The following ANKS1B variants were observed in gnomAD, a reference collection of about 807,000 sequenced individuals.
ANKS1B encodes the protein ankyrin repeat and sterile alpha motif domain-containing protein 1B.
A neutral mutation model predicts 148.3 loss-of-function variants in ANKS1B; 36 were observed. The observed-to-expected ratio is 0.24, with a 90% confidence interval of 0.19 to 0.32. The LOEUF (loss-of-function observed/expected upper bound fraction) is 0.32. ANKS1B is among the 10% of genes least tolerant of loss of function. ANKS1B has a pLI of 1.00. For synonymous variants in ANKS1B, 542 were observed against 560.8 expected (o/e 0.97, Z 0.47); for missense variants, 1,157 against 1,542.6 (o/e 0.75, Z 4.19).
rs554027930 is a variant in ANKS1B at position 99,262,918 on chromosome 12, C to A, written c.1757-16054G>T. ...GTCATTACTTTTATGTTACCGAAAT[C>A]ATCTTCGGACCTGTTTTCTCTGTTT... On this transcript the variant is annotated intron_variant, in intron 12 of 26. Transcript: ENST00000683438. 7.2e-5 allele frequency among the ~76,000 whole-genome samples: 11 copies of A among 151,892 alleles called. No homozygotes were observed. The East Asian group carries it at 2.1e-3, about 29-fold the overall frequency.
At position 99,415,248 on chromosome 12, in the gene ANKS1B, A is replaced by T. The variant is rs1260705350; in HGVS notation, c.1576-15437T>A. ...AAATACTTATATATTAATATTTTAT[A>T]GATGTTCATGTCAACTTCAAATGCA... On this transcript the variant is annotated intron_variant, in intron 11 of 26. Coordinates refer to ENST00000683438, the MANE Select transcript of ANKS1B (RefSeq NM_001352186.2). 2.6e-5 allele frequency among the ~76,000 whole-genome samples: 4 copies of T among 152,204 alleles called. No individual in the cohort carries two copies. The East Asian group carries it at 7.7e-4, about 29-fold the overall frequency.
intron 12 of ANKS1B, among the ~76,000 whole-genome samples, chr12:99,355,623 T>C (rs1319348725): frequency 2.0e-5 from 3 of 152,178 alleles, no homozygotes; most frequent in African/African-American, 4.8e-5. Context: ...TTTACATTTG[T>C]CGTTTTGTCT....
intron 11 of ANKS1B, among the ~76,000 whole-genome samples, chr12:99,407,467 C>G (rs529233127): frequency 6.9e-6 from 1 of 145,498 alleles, no homozygotes; most frequent in African/African-American, 2.6e-5. Flanking sequence ...TTGACAAGGA[C>G]GCCCACTTTC....
At chr12:98,871,883 T>C (rs1359628376) in intron 17 of ANKS1B, among the ~76,000 whole-genome samples, 1 of 152,180 alleles carries the variant, frequency 6.6e-6, no homozygotes, top group African/African-American at 2.4e-5. Context: ...AAAAAGCTTG[T>C]ACACTGTCAC....
At chr12:99,026,332 T>C (rs762919734) in intron 17 of ANKS1B, among the ~76,000 whole-genome samples, 4 of 152,210 alleles carry the variant, frequency 2.6e-5, no homozygotes, top group East Asian at 3.9e-4. Context: ...CCTATACCTA[T>C]GGGCATATTA....
intron 16 of ANKS1B, among the ~76,000 whole-genome samples, chr12:99,082,363 G>C (rs1168977003): frequency 1.3e-5 from 2 of 152,166 alleles, no homozygotes; most frequent in Non-Finnish European, 2.9e-5. Context: ...CATTCGAATA[G>C]AGATTTGACA....
chr12:99,127,292 G>A (rs920639484), intron 15 of ANKS1B, among the ~76,000 whole-genome samples: 6 of 152,078 alleles, frequency 3.9e-5, no homozygotes, highest in Non-Finnish European at 8.8e-5. Context: ...GTAGTCCTCC[G>A]TTTAACAACA....
chr12:99,513,222 G>C (rs1332960964), intron 9 of ANKS1B, among the ~76,000 whole-genome samples: 2 of 151,854 alleles, frequency 1.3e-5, no homozygotes, highest in Non-Finnish European at 2.9e-5. Context: ...TTTTTAATTA[G>C]GTATGTACTC....
intron 4 of ANKS1B, among the ~76,000 whole-genome samples, chr12:99,782,335 G>T (rs1312759343): frequency 1.3e-5 from 2 of 152,152 alleles, no homozygotes; most frequent in African/African-American, 4.8e-5. Context: ...TGAGGCGGAT[G>T]GATCACCTGA....
chr12:99,010,922 T>G (rs1202622075), intron 17 of ANKS1B, among the ~76,000 whole-genome samples: 1 of 147,984 alleles, frequency 6.8e-6, no homozygotes, highest in Non-Finnish European at 1.5e-5. Context: ...TTTTTTTTTT[T>G]AATAGAAACA....
intron 9 of ANKS1B, among the ~76,000 whole-genome samples, chr12:99,592,737 T>C (rs2097715615): frequency 6.6e-6 from 1 of 152,106 alleles, no homozygotes; most frequent in African/African-American, 2.4e-5. Context: ...GAGTGAGCAA[T>C]GGCCCATGAC....
rs752909343 is a variant in ANKS1B at position 98,773,032 on chromosome 12, G to A, written c.3579+10C>T. 1.4e-5 allele frequency: 23 copies of A among 1,613,628 alleles called. No individual in the cohort carries two copies. The highest frequency in any genetic ancestry group is 1.8e-5 in the Non-Finnish European group (21 of 1,179,810). On this transcript the variant is annotated intron_variant, in intron 25 of 26. Coordinates refer to ENST00000683438, the MANE Select transcript of ANKS1B (RefSeq NM_001352186.2). The stretch of plus-strand genomic sequence containing the variant: ...AGTCTTTAATCTGTTGAAAGGGGGT[G>A]GGTACTCACCACATCAAAGGCAGTA...
At chr12:99,434,411 C>A (rs1290047318) in intron 11 of ANKS1B, among the ~76,000 whole-genome samples, 1 of 152,004 alleles carries the variant, frequency 6.6e-6, no homozygotes, top group Non-Finnish European at 1.5e-5. Flanking sequence ...ACATATATAT[C>A]TACAAAGGAT....
intron 17 of ANKS1B, among the ~76,000 whole-genome samples, chr12:99,028,142 AAATT>A (rs1304033077): frequency 1.3e-5 from 2 of 152,216 alleles, no homozygotes; most frequent in Admixed American, 6.5e-5. Flanking sequence ...ATTTTTTAAA[AAATT>A]AATACATGGA....
intron 8 of ANKS1B, among the ~76,000 whole-genome samples, chr12:99,715,805 T>G (rs2057244931): frequency 6.6e-6 from 1 of 152,170 alleles, no homozygotes; most frequent in South Asian, 2.1e-4. Context: ...AACCACTTTC[T>G]CTTTTCAATC....
At chr12:99,521,854 T>C (rs538253117) in intron 9 of ANKS1B, among the ~76,000 whole-genome samples, 2 of 152,140 alleles carry the variant, frequency 1.3e-5, no homozygotes, top group South Asian at 4.1e-4. Context: ...CACTGGGTCT[T>C]GCCCCACACA....
At chr12:99,230,490 A>C (rs1361725676) in intron 14 of ANKS1B, among the ~76,000 whole-genome samples, 1 of 152,130 alleles carries the variant, frequency 6.6e-6, no homozygotes, top group Non-Finnish European at 1.5e-5. Context: ...TAAACCATTG[A>C]TACGTCATAA....
intron 15 of ANKS1B, among the ~76,000 whole-genome samples, chr12:99,116,667 T>C (rs952867576): frequency 6.6e-6 from 1 of 152,138 alleles, no homozygotes; most frequent in African/African-American, 2.4e-5. Flanking sequence ...CTTATGAGTG[T>C]CTTGGCTATA....
intron 17 of ANKS1B, among the ~76,000 whole-genome samples, chr12:99,037,620 G>C (rs2099956362): frequency 6.6e-6 from 1 of 152,128 alleles, no homozygotes; most frequent in African/African-American, 2.4e-5. Flanking sequence ...TGAAAAATAA[G>C]CTAACTGCTT....
Sources: gnomAD v4.1 joint callset for allele counts (sites outside exome capture counted in the v4.1 genomes callset) on GRCh38, gnomAD v4.1.1 for gene constraint, MANE v1.5 for transcripts, NCBI Gene and HGNC (gene_info 2026-07-23, HGNC 2026-07-21) for gene names.